The following DLGAP4 variants were observed in gnomAD, a reference collection of about 807,000 sequenced individuals.
The protein encoded by DLGAP4 is DLG associated protein 4.
DLGAP4 carries 18 observed loss-of-function variants against 86.9 expected under a neutral mutation model. The ratio of observed to expected loss-of-function variants is 0.21; its 90% CI spans 0.14 to 0.31. DLGAP4 has a LOEUF of 0.31. Ranked by LOEUF, DLGAP4 falls within the 10% of genes least tolerant of loss-of-function variation. The pLI, the probability that DLGAP4 is intolerant of heterozygous loss-of-function variation, is 1.00. For missense variants in DLGAP4, 1,085 were observed against 1,362.6 expected, an observed-to-expected ratio of 0.80 and a Z score of 3.21; for synonymous variants, 548 against 574.3, an observed-to-expected ratio of 0.95 and a Z score of 0.65.
chr20:36,443,484 A>G (rs1006058489), intron 6 of DLGAP4, among the ~76,000 whole-genome samples: 3 of 152,198 alleles, frequency 2.0e-5, no homozygotes, highest in African/African-American at 7.2e-5. Flanking sequence ...AACTAGGACC[A>G]GACCTCCAGC....
intron 2 of DLGAP4, among the ~76,000 whole-genome samples, chr20:36,388,381 G>A (rs2031672555): frequency 6.6e-6 from 1 of 152,088 alleles, no homozygotes; most frequent in Admixed American, 6.6e-5. Context: ...GCTGAAGTTG[G>A]CCTCCCTGTG....
intron 2 of DLGAP4, among the ~76,000 whole-genome samples, chr20:36,391,125 C>T (rs538502634): frequency 1.3e-5 from 2 of 152,246 alleles, no homozygotes; most frequent in East Asian, 3.9e-4. Context: ...AGGCCAGTGA[C>T]TCAGATTGTG....
chr20:36,471,427 G>C (rs2034657691), intron 7 of DLGAP4, among the ~76,000 whole-genome samples: 1 of 152,180 alleles, frequency 6.6e-6, no homozygotes, highest in African/African-American at 2.4e-5. Context: ...CTGGGAGGCG[G>C]AGGTTGCAGT....
intron 1 of DLGAP4, among the ~76,000 whole-genome samples, chr20:36,336,680 G>C (rs2065325200): frequency 6.6e-6 from 1 of 152,148 alleles, no homozygotes; most frequent in African/African-American, 2.4e-5. Flanking sequence ...GCAGTCCCAG[G>C]GGCAGGGAAA....
chr20:36,424,660 G>C (rs2032924557), intron 2 of DLGAP4, among the ~76,000 whole-genome samples: 1 of 151,990 alleles, frequency 6.6e-6, no homozygotes, highest in Non-Finnish European at 1.5e-5. Flanking sequence ...TCATTCCTCT[G>C]ACCCCAGATG....
chr20:36,317,223 TTTTCTTTCTTTCTTTC>T (rs1229773592), intron 1 of DLGAP4, among the ~76,000 whole-genome samples: 1,904 of 93,756 alleles, frequency 0.02, 54 homozygotes, highest in Admixed American at 0.071. Context: ...TCCTCTCCTT[TTTTCTTTCTTTCTTTC>T]TTTCTTTCTT....
At chr20:36,444,371 C>T (rs1477346681) in intron 6 of DLGAP4, among the ~76,000 whole-genome samples, 1 of 152,090 alleles carries the variant, frequency 6.6e-6, no homozygotes, top group Non-Finnish European at 1.5e-5. Context: ...GCAGCCTCAA[C>T]CTCCCAGGCT....
At chr20:36,408,189 T>TG (rs1039012287) in intron 2 of DLGAP4, among the ~76,000 whole-genome samples, 3 of 151,604 alleles carry the variant, frequency 2.0e-5, no homozygotes, top group Non-Finnish European at 4.4e-5. Flanking sequence ...ACAAGGATTG[T>TG]GGGGGTTTGT....
chr20:36,414,653 A>T (rs1443431635), intron 2 of DLGAP4, among the ~76,000 whole-genome samples: 2 of 152,064 alleles, frequency 1.3e-5, no homozygotes, highest in Non-Finnish European at 2.9e-5. Context: ...ATCAGACATG[A>T]GAGGTTTGGT....
intron 7 of DLGAP4, among the ~76,000 whole-genome samples, chr20:36,450,413 G>A (rs955878238): frequency 2.0e-5 from 3 of 152,098 alleles, no homozygotes; most frequent in Non-Finnish European, 4.4e-5. Flanking sequence ...CAGGAGAATC[G>A]CTTAAGCCCG....
In DLGAP4 at chr20:36,436,240, C is replaced by G. The variant is rs375225737; in HGVS notation, c.1131C>G (p.Asp377Glu). ...ACATCAAGGCCATGGGCGACGAGGA[C>G]AGCGACGAGTCCGGCGGCAGCCCCA... ...GSYIKAMGDE[D>E]SDESGGSPKP... is the part of the protein sequence containing the mutation. The change falls in exon 4 of 13, where the codon GAC becomes GAG. Residue 377 changes from aspartate (D) to glutamate (E), a missense_variant. By Grantham distance (45) the Asp-to-Glu change is conservative. Coordinates refer to ENST00000339266, the MANE Select transcript of DLGAP4 (RefSeq NM_001365621.2). The G allele has an allele frequency of 6.2e-7, 1 of 1,605,798 alleles. No homozygotes were observed. The highest frequency in any genetic ancestry group is 8.5e-7 in the Non-Finnish European group (1 of 1,179,464).
intron 7 of DLGAP4, among the ~76,000 whole-genome samples, chr20:36,466,953 T>A (rs951970637): frequency 3.3e-5 from 5 of 151,484 alleles, no homozygotes; most frequent in Non-Finnish European, 5.9e-5. Context: ...TCTGTCTCTC[T>A]CTCTCTCTCT....
At chr20:36,372,922 C>T (rs181272613) in intron 2 of DLGAP4, among the ~76,000 whole-genome samples, 28 of 152,162 alleles carry the variant, frequency 1.8e-4, no homozygotes, top group Non-Finnish European at 3.1e-4. Flanking sequence ...GTGTGACATC[C>T]GGATTTGGAA....
chr20:36,366,532 CTG>C (rs1368018698), intron 1 of DLGAP4, among the ~76,000 whole-genome samples: 1 of 152,210 alleles, frequency 6.6e-6, no homozygotes, highest in African/African-American at 2.4e-5. Flanking sequence ...TTCACCTGCA[CTG>C]TCTTCTCAGT....
chr20:36,317,455 TTCTC>T (rs2065120464), intron 1 of DLGAP4, among the ~76,000 whole-genome samples: 1 of 144,886 alleles, frequency 6.9e-6, no homozygotes, highest in Admixed American at 6.9e-5. Flanking sequence ...TTTCTTTTCC[TTCTC>T]TTTCTTTTTT....
At chr20:36,379,415 A>C (rs2031289237) in intron 2 of DLGAP4, among the ~76,000 whole-genome samples, 1 of 151,994 alleles carries the variant, frequency 6.6e-6, no homozygotes, top group African/African-American at 2.4e-5. Context: ...AGTTGGGGGG[A>C]ATTCTGGACC....
intron 7 of DLGAP4, among the ~76,000 whole-genome samples, chr20:36,455,015 G>A (rs895489958): frequency 2.6e-5 from 4 of 152,150 alleles, no homozygotes; most frequent in Non-Finnish European, 4.4e-5. Flanking sequence ...CTATGGATGC[G>A]TGCCCCTCCC....
intron 7 of DLGAP4, among the ~76,000 whole-genome samples, chr20:36,479,900 G>T (rs1382564760): frequency 6.6e-6 from 1 of 152,136 alleles, no homozygotes; most frequent in Non-Finnish European, 1.5e-5. Context: ...CTGGCATGCA[G>T]AGTCCATGGA....
At position 36,525,738 on chromosome 20, in the gene DLGAP4, A is replaced by G; in HGVS notation, c.2605-113A>G. On this transcript the variant is annotated intron_variant, in intron 11 of 12. Transcript: ENST00000339266. ...ATACTTACCCAGACACTAGGCCTCA[A>G]GAGCCCCCGCGGGTGCTGGCAGGGC... The G allele has an allele frequency of 2.8e-6, 4 of 1,439,810 alleles. No individual in the cohort carries two copies. In the South Asian group the frequency reaches 3.7e-5, roughly 13 times the overall value. The allele number at this position is 1,439,810 out of a possible 1,614,324, so 89.2% of individuals were successfully genotyped here.
Sources: allele counts gnomAD v4.1 joint callset (sites outside exome capture counted in the v4.1 genomes callset), GRCh38; gene constraint gnomAD v4.1.1; transcripts MANE v1.5; gene names NCBI Gene and HGNC (gene_info 2026-07-23, HGNC 2026-07-21).